The following BBS9 variants were observed in gnomAD, a reference collection of about 807,000 sequenced individuals.
BBS9 encodes protein PTHB1.
A neutral mutation model predicts 117.7 loss-of-function variants in BBS9; 89 were observed. That is an observed-to-expected ratio of 0.76 (90% CI 0.64 to 0.90). The LOEUF is 0.90. Ranked by LOEUF, BBS9 falls within the 40% of genes least tolerant of loss-of-function variation. The probability of loss-of-function intolerance (pLI) is 0.00; values close to 1 mark genes in which losing one functional copy is unlikely to be tolerated. For missense variants in BBS9, 982 were observed against 1,042.2 expected, an observed-to-expected ratio of 0.94 and a Z score of 0.80; for synonymous variants, 379 against 370.9, an observed-to-expected ratio of 1.02 and a Z score of -0.25.
intron 21 of BBS9, among the ~76,000 whole-genome samples, chr7:33,576,842 GC>G (rs955714625): frequency 2.0e-5 from 3 of 152,102 alleles, no homozygotes; most frequent in African/African-American, 7.2e-5. Flanking sequence ...GGGAAAACTG[GC>G]TAGCCATATG....
At chr7:33,146,420 A>G (rs2128095430) in intron 2 of BBS9, 56 bp downstream of exon 2, 1 of 1,410,560 alleles carries the variant, frequency 7.1e-7, no homozygotes. Context: ...ATCAAATAAG[A>G]CTGGGCACGG....
chr7:33,152,873 G>C lies in BBS9; in HGVS notation c.263+22G>C. 3.1e-6 allele frequency: 5 copies of C among 1,612,496 alleles called. No individual in the cohort carries two copies. In the South Asian group the frequency reaches 5.5e-5, roughly 18 times the overall value. ...TTTCGTAAGTAAGCCCACTAATTCT[G>C]GTATTTTACTTGGAGTATGTCAATC... On this transcript the variant is annotated intron_variant, in intron 3 of 22. Transcript: ENST00000242067.
intron 21 of BBS9, among the ~76,000 whole-genome samples, chr7:33,597,222 C>T (rs1862997116): frequency 6.6e-6 from 1 of 151,980 alleles, no homozygotes; most frequent in Non-Finnish European, 1.5e-5. Context: ...TCACACTGCA[C>T]ATGAATTATA....
intron 4 of BBS9, among the ~76,000 whole-genome samples, chr7:33,166,521 G>A (rs1336958613): frequency 6.6e-6 from 1 of 152,236 alleles, no homozygotes; most frequent in Non-Finnish European, 1.5e-5. Flanking sequence ...CGCCAAGTTT[G>A]AGCTTCCTCC....
chr7:33,395,023 TAGAC>T (rs1827707323), intron 19 of BBS9, among the ~76,000 whole-genome samples: 1 of 152,152 alleles, frequency 6.6e-6, no homozygotes. Flanking sequence ...AGGTGGGACA[TAGAC>T]AGCCTAGATT....
At chr7:33,152,661 T>G in intron 2 of BBS9, 40 bp from the exon 3 acceptor site, 1 of 1,562,862 alleles carries the variant, frequency 6.4e-7, no homozygotes, top group Non-Finnish European at 8.8e-7. Context: ...TGCTAATGTT[T>G]GTTTCTCCCT....
At chr7:33,483,638 A>ATT (rs5883404) in intron 19 of BBS9, among the ~76,000 whole-genome samples, 1,968 of 148,582 alleles carry the variant, frequency 0.013, 52 homozygotes, top group African/African-American at 0.046. Flanking sequence ...ATCTCAACAG[A>ATT]TTTTTTTTTT....
rs535102853 is a variant in BBS9, at chr7:33,225,333, G to C, written c.443-31903G>C. Among the ~76,000 whole-genome samples, 9 of 152,240 alleles carry C rather than the reference G, an allele frequency of 5.9e-5. No individual in the cohort carries two copies. In the South Asian group the frequency reaches 1.7e-3, roughly 28 times the overall value. On this transcript the variant is annotated intron_variant, in intron 5 of 22. Transcript: ENST00000242067. Reference sequence around the variant, plus strand: ...CCGCCTCAGCCTCCCAAGTAGTTGGGACCACTGGTACCTGCTACCATGCCT... The same window carrying C: ...CCGCCTCAGCCTCCCAAGTAGTTGGCACCACTGGTACCTGCTACCATGCCT...
chr7:33,311,827 A>AG (rs1379588073), intron 9 of BBS9, among the ~76,000 whole-genome samples: 1 of 151,892 alleles, frequency 6.6e-6, no homozygotes, highest in Non-Finnish European at 1.5e-5. Flanking sequence ...AAAAAAAAAA[A>AG]AGTGTCTATA....
At chr7:33,341,355 A>G (rs1816516958) in intron 11 of BBS9, among the ~76,000 whole-genome samples, 1 of 152,122 alleles carries the variant, frequency 6.6e-6, no homozygotes, top group Admixed American at 6.6e-5. Flanking sequence ...TCAGTTAGAT[A>G]AGGTTTGTGA....
At position 33,289,149 on chromosome 7, in the gene BBS9, C is replaced by T. The variant is rs150418348; in HGVS notation, c.1016+15193C>T. On this transcript the variant is annotated intron_variant, in intron 9 of 22. Coordinates refer to ENST00000242067, the MANE Select transcript of BBS9 (RefSeq NM_198428.3). The stretch of plus-strand genomic sequence containing the variant: ...CGATTCAATATTCTATCTAACAAGA[C>T]GTATGTTATTTAGAGTTGTTAGGGT... 8.6e-3 allele frequency among the ~76,000 whole-genome samples: 1,316 copies of T among 152,186 alleles called. 9 individuals are homozygous for T. The highest frequency in any genetic ancestry group is 0.017 in the Middle Eastern group (5 of 294).
chr7:33,526,406 C>G (rs1171716117), intron 20 of BBS9, among the ~76,000 whole-genome samples: 1 of 152,192 alleles, frequency 6.6e-6, no homozygotes, highest in East Asian at 1.9e-4. Context: ...TAGATTTGGT[C>G]TTTTCACATA....
chr7:33,218,353 A>G (rs1176121619), intron 5 of BBS9, among the ~76,000 whole-genome samples: 2 of 152,238 alleles, frequency 1.3e-5, no homozygotes, highest in East Asian at 1.9e-4. Context: ...TATAAGGTCC[A>G]TAGTCTTAGC....
In BBS9 at chr7:33,605,854, A is replaced by C. The variant is rs1454522097; in HGVS notation, c.*628A>C. ...TTCTAGTATTGTATGAAAATGTTTA[A>C]ATATTTTCAAGGAAGCTAGTACATT... On this transcript the variant is annotated 3_prime_UTR_variant, in exon 23 of 23. Coordinates refer to ENST00000242067, the MANE Select transcript of BBS9 (RefSeq NM_198428.3). The C allele has an allele frequency of 2.0e-5, 3 of 153,264 alleles. No individual in the cohort carries two copies. The highest frequency in any genetic ancestry group is 4.4e-5 in the Non-Finnish European group (3 of 68,826). 9.5% of individuals were successfully genotyped at this position (153,264 alleles called of 1,614,324 possible). A position where few individuals can be genotyped will look rare whatever the true frequency, so the allele number is the denominator to read the frequency against.
intron 20 of BBS9, among the ~76,000 whole-genome samples, chr7:33,516,782 T>C (rs1847878537): frequency 6.6e-6 from 1 of 152,240 alleles, no homozygotes. Flanking sequence ...TCTATTGGTA[T>C]CATTTTAAAT....
chr7:33,568,805 A>C (rs1024971735), intron 21 of BBS9, among the ~76,000 whole-genome samples: 1 of 152,238 alleles, frequency 6.6e-6, no homozygotes, highest in African/African-American at 2.4e-5. Context: ...AATATAAGAA[A>C]ATATATGTGT....
At chr7:33,482,170 G>A (rs1842593554) in intron 19 of BBS9, among the ~76,000 whole-genome samples, 1 of 152,032 alleles carries the variant, frequency 6.6e-6, no homozygotes, top group Admixed American at 6.5e-5. Context: ...TAGGAGAATG[G>A]GAACATACTG....
At chr7:33,178,173 C>A (rs924805693) in intron 5 of BBS9, among the ~76,000 whole-genome samples, 1 of 152,212 alleles carries the variant, frequency 6.6e-6, no homozygotes, top group African/African-American at 2.4e-5. Context: ...CTGCACAGGG[C>A]AGCTGGAAGA....
rs535862826 is a variant in BBS9 at position 33,304,048 on chromosome 7, A to T, written c.1016+30092A>T. ...AGCGCCTCTGCCCGGCCGCCACCCCATCTAGGAAGTGAGGAGCGTCTCTGC... is the reference window on the plus strand; with the variant it reads ...AGCGCCTCTGCCCGGCCGCCACCCCTTCTAGGAAGTGAGGAGCGTCTCTGC... On this transcript the variant is annotated intron_variant, in intron 9 of 22. Transcript: ENST00000242067. 1.0e-2 allele frequency among the ~76,000 whole-genome samples: 966 copies of T among 97,038 alleles called. 6 individuals are homozygous for T. The highest frequency in any genetic ancestry group is 0.015 in the Admixed American group (141 of 9,310). 63.7% of individuals were successfully genotyped at this position (97,038 alleles called of 152,430 possible). A position where few individuals can be genotyped will look rare whatever the true frequency, so the allele number is the denominator to read the frequency against.
Sources: gnomAD v4.1 joint callset for allele counts (sites outside exome capture counted in the v4.1 genomes callset) on GRCh38, gnomAD v4.1.1 for gene constraint, MANE v1.5 for transcripts, NCBI Gene and HGNC (gene_info 2026-07-23, HGNC 2026-07-21) for gene names.